Variants in MTUS1 observed in about 807,000 individuals in gnomAD.
MTUS1 encodes microtubule associated scaffold protein 1.
A neutral mutation model predicts 120.8 loss-of-function variants in MTUS1; 109 were observed. The ratio of observed to expected loss-of-function variants is 0.90; its 90% CI spans 0.77 to 1.06. The LOEUF (loss-of-function observed/expected upper bound fraction) is 1.06. MTUS1 is among the 50% of genes least tolerant of loss of function. The pLI is 0.00. For synonymous variants in MTUS1, 737 were observed against 550.5 expected (o/e 1.34, Z -4.74); for missense variants, 2,210 against 1,486.3 (o/e 1.49, Z -8.01).
intron 13 of MTUS1, among the ~76,000 whole-genome samples, chr8:17,648,186 A>C (rs991692037): frequency 6.6e-6 from 1 of 152,192 alleles, no homozygotes; most frequent in Non-Finnish European, 1.5e-5. Flanking sequence ...TGTCTTTCTT[A>C]GAAAACTTCC....
rs1585468690 is a variant in MTUS1 at position 17,659,446 on chromosome 8, C to G, written c.2906-3381G>C. On this transcript the variant is annotated intron_variant, in intron 8 of 14. Coordinates refer to ENST00000693296, the MANE Select transcript of MTUS1 (RefSeq NM_001363059.2). ...GCACAGTGGCTCACGCCTGTAATCC[C>G]AGCACTTTGGAAGGCCGAAGCGTGC... Among the ~76,000 whole-genome samples, 4 of 152,274 alleles carry G rather than the reference C, an allele frequency of 2.6e-5. No individual in the cohort carries two copies. The South Asian group carries it at 8.3e-4, about 32-fold the overall frequency.
At chr8:17,726,005 AC>A (rs1428932844) in intron 3 of MTUS1, among the ~76,000 whole-genome samples, 1 of 151,920 alleles carries the variant, frequency 6.6e-6, no homozygotes, top group African/African-American at 2.4e-5. Context: ...CCATGCCTCT[AC>A]CCCTTCATAC....
intron 4 of MTUS1, among the ~76,000 whole-genome samples, chr8:17,720,845 G>A (rs1001449481): frequency 2.0e-5 from 3 of 152,104 alleles, no homozygotes; most frequent in Admixed American, 6.5e-5. Flanking sequence ...AAACCATTGT[G>A]AAATGTTTTA....
intron 1 of MTUS1, among the ~76,000 whole-genome samples, chr8:17,765,035 C>A (rs530127362): frequency 6.6e-6 from 1 of 152,192 alleles, no homozygotes; most frequent in Non-Finnish European, 1.5e-5. Flanking sequence ...AGTAGACAGT[C>A]CCATCTGGAA....
At chr8:17,801,338 C>T (rs867350341), upstream of MTUS1, 36 of 151,968 alleles carry the variant, frequency 2.4e-4, no homozygotes, top group African/African-American at 7.9e-4. Flanking sequence ...TCGGGCCTCC[C>T]GCCCCAACCC....
chr8:17,712,263 T>G (rs1821453696), intron 6 of MTUS1, among the ~76,000 whole-genome samples: 1 of 152,170 alleles, frequency 6.6e-6, no homozygotes, highest in East Asian at 1.9e-4. Context: ...CACATAACTG[T>G]TTTATCACTG....
chr8:17,770,117 A>T (rs548197374), intron 1 of MTUS1, among the ~76,000 whole-genome samples: 2 of 152,334 alleles, frequency 1.3e-5, no homozygotes, highest in East Asian at 3.9e-4. Context: ...ACATTTTTAC[A>T]TGTTGCTTAA....
chr8:17,660,319 G>C (rs1009007042), intron 8 of MTUS1, among the ~76,000 whole-genome samples: 2 of 152,180 alleles, frequency 1.3e-5, no homozygotes, highest in African/African-American at 4.8e-5. Context: ...GTTGCAGTGA[G>C]CCAAGATAAC....
chr8:17,665,930 T>C (rs1810803292), intron 8 of MTUS1, among the ~76,000 whole-genome samples: 1 of 152,026 alleles, frequency 6.6e-6, no homozygotes, highest in Non-Finnish European at 1.5e-5. Context: ...AGCCAGCCTG[T>C]CTTCCATCTC....
intron 8 of MTUS1, chr8:17,674,692 C>CT (rs1812723755): frequency 1.0e-6 from 1 of 987,714 alleles, no homozygotes; most frequent in South Asian, 4.7e-5. Flanking sequence ...ATCAGCCCCC[C>CT]TCCAAATAGT....
At chr8:17,737,245 A>G (rs2047000743) in intron 3 of MTUS1, among the ~76,000 whole-genome samples, 1 of 152,140 alleles carries the variant, frequency 6.6e-6, no homozygotes, top group African/African-American at 2.4e-5. Flanking sequence ...TGAAGCTTTC[A>G]GACCCTCAAA....
chr8:17,760,809 A>G (rs1389711619), intron 1 of MTUS1, among the ~76,000 whole-genome samples: 4 of 66,334 alleles, frequency 6.0e-5, no homozygotes, highest in East Asian at 1.1e-3. Context: ...CTGGAGGGAA[A>G]AAAAAAAAAA....
Position 17,727,495 on chromosome 8 carries a change from G to A in MTUS1, c.2288-3662C>T, listed in dbSNP as rs187272166. Among the ~76,000 whole-genome samples, 11 of 152,286 alleles carry A rather than the reference G, an allele frequency of 7.2e-5. No individual in the cohort carries two copies. In the East Asian group the frequency reaches 1.4e-3, roughly 19 times the overall value. On this transcript the variant is annotated intron_variant, in intron 3 of 14. Coordinates refer to ENST00000693296, the MANE Select transcript of MTUS1 (RefSeq NM_001363059.2). ...CTCCTACAGCGGAATGGTGAAAACC[G>A]TACGGATGCAACAAAGACATATAAC...
chr8:17,721,055 C>T (rs761434380), intron 4 of MTUS1, among the ~76,000 whole-genome samples: 1 of 152,146 alleles, frequency 6.6e-6, no homozygotes, highest in Non-Finnish European at 1.5e-5. Flanking sequence ...TTTACAACAG[C>T]ACTGTGTTAT....
intron 1 of MTUS1, among the ~76,000 whole-genome samples, chr8:17,788,632 A>G (rs2051508903): frequency 6.6e-6 from 1 of 152,198 alleles, no homozygotes; most frequent in African/African-American, 2.4e-5. Context: ...AACTCAGCCG[A>G]CTTCTGAGAA....
chr8:17,754,502 T>C lies in MTUS1; in HGVS notation c.1306A>G (p.Thr436Ala), dbSNP rs377197772. 1 of 1,614,226 alleles carries C rather than the reference T, an allele frequency of 6.2e-7. No homozygotes were observed. Among genetic ancestry groups the C allele is most frequent in the Non-Finnish European group, 8.5e-7 (1 of 1,180,036 alleles). The stretch of plus-strand genomic sequence containing the variant: ...GGTGAAACAGAAAAGGTTACTTTTG[T>C]GGGTTCTAGGACTGGTGTTGACATG... ...MCMSTPVLEP[T>A]KVTFSVSPIE... The change falls in exon 2 of 15, where the codon ACA (threonine) becomes GCA (alanine). Residue 436 changes from threonine to alanine, a missense_variant. Transcript: ENST00000693296.
chr8:17,772,558 C>G (rs1247770557), intron 1 of MTUS1, among the ~76,000 whole-genome samples: 1 of 152,204 alleles, frequency 6.6e-6, no homozygotes, highest in Non-Finnish European at 1.5e-5. Context: ...CTTATGGCTA[C>G]AATCACTGAT....
At chr8:17,682,597 G>A (rs1184187209) in intron 7 of MTUS1, among the ~76,000 whole-genome samples, 2 of 151,830 alleles carry the variant, frequency 1.3e-5, no homozygotes, top group African/African-American at 2.4e-5. Flanking sequence ...GGCATGAATG[G>A]GGACAGCAAA....
In MTUS1 at chr8:17,705,006, C is replaced by T. The variant is rs185648833; in HGVS notation, c.2623+8208G>A. On this transcript the variant is annotated intron_variant, in intron 6 of 14. Transcript: ENST00000693296. ...TTTATTCTTTTTATTTTTTTTGAGA[C>T]GGAGTCTTGCTCTGTCACCCAGGCT... is the stretch of plus-strand genomic sequence containing the variant. Among the ~76,000 whole-genome samples the T allele has an allele frequency of 1.4e-3, 217 of 151,990 alleles. 1 individual carries two copies. The highest frequency in any genetic ancestry group is 4.5e-3 in the African/African-American group (187 of 41,424).
Sources: gnomAD v4.1 joint callset for allele counts (sites outside exome capture counted in the v4.1 genomes callset) on GRCh38, gnomAD v4.1.1 for gene constraint, MANE v1.5 for transcripts, NCBI Gene and HGNC (gene_info 2026-07-23, HGNC 2026-07-21) for gene names.